ZSCAN5A: variants seen among roughly 807,000 people sequenced by gnomAD.
The protein encoded by ZSCAN5A is zinc finger and SCAN domain containing 5A.
Under a neutral mutation model 23.7 loss-of-function variants are expected in ZSCAN5A, and 12 were observed. That is an observed-to-expected ratio of 0.51 (90% confidence interval 0.32 to 0.82). The LOEUF (loss-of-function observed/expected upper bound fraction) is 0.82. ZSCAN5A is among the 40% of genes least tolerant of loss of function. ZSCAN5A has a pLI of 0.03. For missense variants in ZSCAN5A, 597 were observed against 617.9 expected (o/e 0.97, Z 0.36); for synonymous variants, 257 against 239.9 (o/e 1.07, Z -0.66).
At chr19:56,253,493 T>C (rs2146766618) in intron 2 of ZSCAN5A, among the ~76,000 whole-genome samples, 1 of 151,966 alleles carries the variant, frequency 6.6e-6, no homozygotes, top group East Asian at 1.9e-4. Context: ...AGCACGCAAA[T>C]AACAGGAAAA....
chr19:56,333,390 C>T (rs1283819296), intron 2 of ZSCAN5A, among the ~76,000 whole-genome samples: 1 of 151,264 alleles, frequency 6.6e-6, no homozygotes, highest in African/African-American at 2.4e-5. Context: ...CTTCAAAAGA[C>T]CAGACTTCAA....
chr19:56,246,706 T>C (rs1457156972), intron 2 of ZSCAN5A: 4 of 1,010,800 alleles, frequency 4.0e-6, no homozygotes, highest in East Asian at 2.4e-5. Context: ...TTATTAACTG[T>C]TGTGTGTGGA....
At chr19:56,286,714 G>A (rs2039151131) in intron 2 of ZSCAN5A, 1 of 152,200 alleles carries the variant, frequency 6.6e-6, no homozygotes, top group Non-Finnish European at 1.5e-5. Context: ...ATTTCTCTCT[G>A]GTTGAAAGAG....
intron 2 of ZSCAN5A, among the ~76,000 whole-genome samples, chr19:56,307,293 T>C (rs144129346): frequency 6.6e-6 from 1 of 152,266 alleles, no homozygotes; most frequent in East Asian, 1.9e-4. Context: ...AACTCGATCA[T>C]ACGATATACC....
chr19:56,309,544 T>A (rs1020546228), intron 2 of ZSCAN5A, among the ~76,000 whole-genome samples: 1 of 152,230 alleles, frequency 6.6e-6, no homozygotes, highest in African/African-American at 2.4e-5. Flanking sequence ...GGAACACAGT[T>A]TGAGGGCCCC....
chr19:56,315,005 C>G (rs1423647366), upstream of ZSCAN5A: 1 of 152,032 alleles, frequency 6.6e-6, no homozygotes, highest in African/African-American at 2.4e-5. Flanking sequence ...AAGCATCTAA[C>G]AAGCGTTTCC....
Position 56,223,618 on chromosome 19 carries a change from C to G in ZSCAN5A, c.588+13G>C, listed in dbSNP as rs1269280016. On this transcript the variant is annotated intron_variant, in intron 4 of 5. Transcript: ENST00000683990. ...CCCACCTCTGCCCAGACACCAAGGC[C>G]TCACACACTCACCTGCCTCCTGGAC... is the stretch of plus-strand genomic sequence containing the variant. The G allele has an allele frequency of 6.2e-7, 1 of 1,613,274 alleles. No individual in the cohort carries two copies. Among genetic ancestry groups the G allele is most frequent in the African/African-American group, 1.3e-5 (1 of 74,826 alleles).
rs551959772 is a variant in ZSCAN5A at position 56,344,511 on chromosome 19, G to A, written c.-358+18724C>T. 4.6e-5 allele frequency among the ~76,000 whole-genome samples: 7 copies of A among 152,252 alleles called. No individual in the cohort carries two copies. In the South Asian group the frequency reaches 6.2e-4, roughly 14 times the overall value. ...CAAAGGGCCAGGCATGGTGGCTCAC[G>A]CCTGTAATCCCAGCACTTTGGGAGG... On this transcript the variant is annotated intron_variant, in intron 2 of 6. Coordinates refer to the ZSCAN5A transcript ENST00000587340.
intron 1 of ZSCAN5A, chr19:56,363,489 G>A (rs181386145): frequency 6.6e-6 from 1 of 152,348 alleles, no homozygotes; most frequent in East Asian, 1.9e-4. Context: ...AAGATTGGAA[G>A]AGTTTGGAGG....
At chr19:56,325,710 G>A (rs1045056142) in intron 2 of ZSCAN5A, among the ~76,000 whole-genome samples, 3 of 149,866 alleles carry the variant, frequency 2.0e-5, no homozygotes, top group Non-Finnish European at 4.4e-5. Context: ...TTAGATTAGT[G>A]AGGCAGATAT....
chr19:56,270,166 T>C (rs2037746870), intron 2 of ZSCAN5A, among the ~76,000 whole-genome samples: 1 of 146,314 alleles, frequency 6.8e-6, no homozygotes, highest in Admixed American at 6.8e-5. Context: ...AAAAAAAAGA[T>C]CCCAGCACTA....
intron 2 of ZSCAN5A, among the ~76,000 whole-genome samples, chr19:56,261,203 CAAA>C (rs71293970): frequency 1.5e-5 from 2 of 136,544 alleles, no homozygotes; most frequent in Admixed American, 7.4e-5. Context: ...GCAAGACTCT[CAAA>C]AAAAAAAAAG....
At chr19:56,230,353 G>C (rs1279388755) in intron 2 of ZSCAN5A, among the ~76,000 whole-genome samples, 1 of 152,084 alleles carries the variant, frequency 6.6e-6, no homozygotes, top group Non-Finnish European at 1.5e-5. Context: ...CAAAGTGCCG[G>C]GATTACAGGC....
intron 2 of ZSCAN5A, among the ~76,000 whole-genome samples, chr19:56,326,410 C>T (rs1228931779): frequency 4.0e-5 from 6 of 151,600 alleles, no homozygotes; most frequent in Admixed American, 3.9e-4. Flanking sequence ...CCATGCTATA[C>T]ATTAGGTCTC....
chr19:56,317,555 C>T (rs562096566), upstream of ZSCAN5A: 1 of 152,420 alleles, frequency 6.6e-6, no homozygotes, highest in Non-Finnish European at 1.5e-5. Context: ...CAGAGGGTCA[C>T]TTGGGTAAAG....
At chr19:56,302,105 A>C (rs1000019743) in intron 2 of ZSCAN5A, 14 of 1,231,630 alleles carry the variant, frequency 1.1e-5, no homozygotes, top group Non-Finnish European at 1.4e-5. Context: ...GGTAAGAAGA[A>C]GGCAGCACGG....
At chr19:56,260,469 C>T (rs1228608136) in intron 2 of ZSCAN5A, among the ~76,000 whole-genome samples, 2 of 152,062 alleles carry the variant, frequency 1.3e-5, no homozygotes, top group Admixed American at 1.3e-4. Context: ...CCGCCTCGGC[C>T]TCCCAAAGTG....
Position 56,352,090 on chromosome 19 carries a change from G to T in ZSCAN5A, c.-358+11145C>A, listed in dbSNP as rs8109673. Among the ~76,000 whole-genome samples the T allele has an allele frequency of 0.6, 90,453 of 151,712 alleles. 28,108 individuals are homozygous for T. The highest frequency in any genetic ancestry group is 0.8 in the Middle Eastern group (235 of 292). On this transcript the variant is annotated intron_variant, in intron 2 of 6. Coordinates refer to the ZSCAN5A transcript ENST00000587340. The surrounding 1 kb of genome is among the most constrained non-coding windows in gnomAD (Gnocchi z 4.2). ...GGTATGCTTTGGTGGATAGTGTGGG[G>T]TTTTTTTGTTTGTTTGTTTCTTTGT... is the stretch of plus-strand genomic sequence containing the variant.
intron 2 of ZSCAN5A, chr19:56,342,449 A>T: frequency 2.6e-6 from 1 of 387,828 alleles, no homozygotes. Flanking sequence ...TTCTTGGGTT[A>T]AGCTCTGGAG....
Sources: allele counts gnomAD v4.1 joint callset (sites outside exome capture counted in the v4.1 genomes callset), GRCh38; gene constraint gnomAD v4.1.1; non-coding constraint Gnocchi (gnomAD v3.1); transcripts MANE v1.5; gene names NCBI Gene and HGNC (gene_info 2026-07-23, HGNC 2026-07-21).